The following KCNT2 variants were observed in gnomAD, a reference collection of about 807,000 sequenced individuals.
KCNT2 encodes the protein potassium sodium-activated channel subfamily T member 2.
A neutral mutation model predicts 153.8 loss-of-function variants in KCNT2; 67 were observed. That is an observed-to-expected ratio of 0.44 (90% confidence interval 0.36 to 0.53). The LOEUF is 0.53. Among genes scored for constraint, KCNT2 ranks in the 20% least tolerant of loss-of-function variants. KCNT2 has a pLI of 0.00. For missense variants in KCNT2, 975 were observed against 1,354.8 expected (o/e 0.72, Z 4.40); for synonymous variants, 500 against 458.8 (o/e 1.09, Z -1.15).
At chr1:196,355,232 C>T (rs1434815849) in intron 14 of KCNT2, among the ~76,000 whole-genome samples, 2 of 151,086 alleles carry the variant, frequency 1.3e-5, no homozygotes, top group Non-Finnish European at 3.0e-5. Flanking sequence ...AAAAAAGACA[C>T]CTTGGTCTAC....
intron 1 of KCNT2, among the ~76,000 whole-genome samples, chr1:196,575,272 C>A (rs1389500003): frequency 2.0e-5 from 3 of 152,072 alleles, no homozygotes; most frequent in Non-Finnish European, 4.4e-5. Context: ...TTCTTTGTAT[C>A]TAGCATCATT....
At chr1:196,282,385 A>G in intron 23 of KCNT2, 29 bp from the exon 24 acceptor site, 2 of 1,160,186 alleles carry the variant, frequency 1.7e-6, no homozygotes, top group Non-Finnish European at 2.6e-6. Context: ...AACAATATAT[A>G]AATGTATATT....
At chr1:196,330,718 T>C (rs1178997334) in intron 18 of KCNT2, among the ~76,000 whole-genome samples, 1 of 152,014 alleles carries the variant, frequency 6.6e-6, no homozygotes, top group African/African-American at 2.4e-5. Context: ...GACTCTAATA[T>C]GAGCTTTCAC....
intron 14 of KCNT2, among the ~76,000 whole-genome samples, chr1:196,346,727 A>G (rs1471332668): frequency 6.6e-6 from 1 of 152,088 alleles, no homozygotes; most frequent in Non-Finnish European, 1.5e-5. Flanking sequence ...TTTGGATGAA[A>G]TTGACATCTT....
chr1:196,497,059 G>T (rs1680315650), intron 1 of KCNT2, among the ~76,000 whole-genome samples: 1 of 152,088 alleles, frequency 6.6e-6, no homozygotes, highest in Non-Finnish European at 1.5e-5. Flanking sequence ...GCACTTTTGG[G>T]GGGAAAAAAG....
In KCNT2 at chr1:196,511,103, C is replaced by T. The variant is rs540026712; in HGVS notation, c.96-18762G>A. The stretch of plus-strand genomic sequence containing the variant: ...AAAGTTGAATAAATTATTACACATA[C>T]GTAAACACACACAACACACACACAC... On this transcript the variant is annotated intron_variant, in intron 1 of 27. Coordinates refer to ENST00000294725, the MANE Select transcript of KCNT2 (RefSeq NM_198503.5). Among the ~76,000 whole-genome samples the T allele has an allele frequency of 3.0e-4, 40 of 135,006 alleles. 1 individual carries two copies. The highest frequency in any genetic ancestry group is 4.8e-4 in the South Asian group (2 of 4,186). The allele number at this position is 135,006 out of a possible 152,430, so 88.6% of individuals were successfully genotyped here. A position where few individuals can be genotyped will look rare whatever the true frequency, so the allele number is the denominator to read the frequency against.
intron 11 of KCNT2, among the ~76,000 whole-genome samples, 162 bp downstream of exon 11, chr1:196,425,690 T>G (rs1342253030): frequency 6.6e-6 from 1 of 152,006 alleles, no homozygotes; most frequent in Non-Finnish European, 1.5e-5. Context: ...GATATATTTT[T>G]GACCTTTTAG....
At chr1:196,339,625 T>C (rs977034620) in intron 16 of KCNT2, among the ~76,000 whole-genome samples, 1 of 151,304 alleles carries the variant, frequency 6.6e-6, no homozygotes, top group Admixed American at 6.6e-5. Context: ...GAGGAGGGAT[T>C]AAAGAGTAAA....
At chr1:196,270,732 T>A (rs551137456) in intron 25 of KCNT2, among the ~76,000 whole-genome samples, 17 of 152,138 alleles carry the variant, frequency 1.1e-4, no homozygotes, top group Admixed American at 3.9e-4. Flanking sequence ...TATGAGTGTG[T>A]GTGTATGTGT....
At chr1:196,560,096 G>C (rs1036524584) in intron 1 of KCNT2, among the ~76,000 whole-genome samples, 3 of 151,718 alleles carry the variant, frequency 2.0e-5, no homozygotes, top group African/African-American at 7.3e-5. Context: ...CTAAAAAGTT[G>C]AGTAAAATGC....
At chr1:196,295,087 G>A (rs903804281) in intron 22 of KCNT2, among the ~76,000 whole-genome samples, 1 of 151,220 alleles carries the variant, frequency 6.6e-6, no homozygotes, top group Non-Finnish European at 1.5e-5. Flanking sequence ...GTGAGGTCCT[G>A]GATTTGTTAA....
intron 2 of KCNT2, among the ~76,000 whole-genome samples, chr1:196,491,869 C>G (rs941934466): frequency 6.6e-6 from 1 of 152,002 alleles, no homozygotes; most frequent in African/African-American, 2.4e-5. Context: ...ACGTTCCCTT[C>G]CCTAAATCAG....
At chr1:196,576,582 C>T (rs903604642) in intron 1 of KCNT2, among the ~76,000 whole-genome samples, 1 of 151,866 alleles carries the variant, frequency 6.6e-6, no homozygotes, top group Non-Finnish European at 1.5e-5. Flanking sequence ...TATGAATAAA[C>T]ATATGTATTT....
chr1:196,440,590 C>T (rs1202859958), intron 8 of KCNT2, among the ~76,000 whole-genome samples: 1 of 151,848 alleles, frequency 6.6e-6, no homozygotes, highest in Non-Finnish European at 1.5e-5. Flanking sequence ...TCACAGTTTA[C>T]CTTAATCATA....
Position 196,258,316 on chromosome 1 carries a change from C to A in KCNT2, c.3089G>T (p.Gly1030Val). 6.2e-7 allele frequency: 1 copy of A among 1,613,906 alleles called. No individual in the cohort carries two copies. The highest frequency in any genetic ancestry group is 8.5e-7 in the Non-Finnish European group (1 of 1,179,934). The change falls in exon 26 of 28, where the codon GGT becomes GTT. Residue 1030 changes from glycine to valine, a missense_variant. This residue lies in a region of KCNT2 where 241 missense variants were observed against 271.1 expected (regional missense o/e 0.89). Coordinates refer to ENST00000294725, the MANE Select transcript of KCNT2 (RefSeq NM_198503.5). ...RLSRKGPKHS[G>V]KTAEKITQQR... The stretch of plus-strand genomic sequence containing the variant: ...CTGGGTTATTTTTTCAGCTGTTTTA[C>A]CAGAGTGTTTTGGGCCTTTTCTGCT...
In KCNT2 at chr1:196,226,870, C is replaced by G. The variant is rs1451021200; in HGVS notation, c.*1354G>C. On this transcript the variant is annotated 3_prime_UTR_variant, in exon 28 of 28. Transcript: ENST00000294725. The stretch of plus-strand genomic sequence containing the variant: ...AAAATTAAAAAATACAAAATTAGAA[C>G]AGTATGTATTTAAATTTACCAATGT... 6.6e-6 allele frequency: 1 copy of G among 151,898 alleles called. No homozygotes were observed. Among genetic ancestry groups the G allele is most frequent in the African/African-American group, 2.4e-5 (1 of 41,400 alleles). The allele number at this position is 151,898 out of a possible 1,614,324, so 9.4% of individuals were successfully genotyped here. A position where few individuals can be genotyped will look rare whatever the true frequency, so the allele number is the denominator to read the frequency against.
intron 1 of KCNT2, among the ~76,000 whole-genome samples, chr1:196,547,349 TA>T (rs922122122): frequency 2.0e-5 from 3 of 151,404 alleles, no homozygotes; most frequent in East Asian, 1.9e-4. Flanking sequence ...TGCCATTATT[TA>T]AAAAAAAATT....
chr1:196,247,557 GA>G (rs1196974150), intron 26 of KCNT2, among the ~76,000 whole-genome samples: 5 of 152,148 alleles, frequency 3.3e-5, no homozygotes, highest in African/African-American at 7.2e-5. Flanking sequence ...AAGGCCTCAG[GA>G]AACTTACAAT....
At chr1:196,515,465 GC>G (rs925179590) in intron 1 of KCNT2, among the ~76,000 whole-genome samples, 2 of 152,146 alleles carry the variant, frequency 1.3e-5, no homozygotes, top group African/African-American at 4.8e-5. Context: ...AAATTAGCAA[GC>G]ATTGACTTAA....
Sources: allele counts gnomAD v4.1 joint callset (sites outside exome capture counted in the v4.1 genomes callset), GRCh38; gene constraint gnomAD v4.1.1; regional missense constraint gnomAD v4.1.1; transcripts MANE v1.5; gene names NCBI Gene and HGNC (gene_info 2026-07-23, HGNC 2026-07-21).